The following HTT variants were observed in gnomAD, a reference collection of about 807,000 sequenced individuals.
The protein encoded by HTT is huntingtin, also known as huntington disease protein.
HTT carries 104 observed loss-of-function variants against 362.3 expected under a neutral mutation model. That is an observed-to-expected ratio of 0.29 (90% CI 0.24 to 0.34). The LOEUF (loss-of-function observed/expected upper bound fraction) is 0.34, where lower values mean the gene tolerates loss of function less well. Among genes scored for constraint, HTT ranks in the 10% least tolerant of loss-of-function variants. The pLI is 1.00. For synonymous variants in HTT, 1,577 were observed against 1,548.7 expected (o/e 1.02, Z -0.43); for missense variants, 3,301 against 3,928.6 (o/e 0.84, Z 4.27).
chr4:3,096,212 A>G (rs1713849422), intron 2 of HTT, among the ~76,000 whole-genome samples: 1 of 152,252 alleles, frequency 6.6e-6, no homozygotes, highest in Admixed American at 6.5e-5. Context: ...ACCGGACTAC[A>G]GAGCTAAAAT....
chr4:3,113,048 T>C (rs1578508613), intron 6 of HTT: 95 of 972,666 alleles, frequency 9.8e-5, no homozygotes, highest in Non-Finnish European at 1.1e-4. Context: ...GAAGTACTCT[T>C]ACAGGTATGT....
intron 2 of HTT, among the ~76,000 whole-genome samples, chr4:3,095,274 C>T (rs371918195): frequency 1.9e-4 from 29 of 152,366 alleles, no homozygotes; most frequent in African/African-American, 3.1e-4. Flanking sequence ...TCTGCAATCC[C>T]GGCACCTCGG....
chr4:3,166,860 T>G (rs116222043), intron 29 of HTT, among the ~76,000 whole-genome samples: 2,286 of 152,312 alleles, frequency 0.015, 58 homozygotes, highest in African/African-American at 0.052. Flanking sequence ...TTCCTTTGGC[T>G]TGGAAAGGGA....
chr4:3,133,389 A>T (rs947053672), intron 18 of HTT, among the ~76,000 whole-genome samples: 1 of 151,412 alleles, frequency 6.6e-6, no homozygotes, highest in Admixed American at 6.6e-5. Context: ...GCTACTCGGG[A>T]AGCTGAGGTG....
intron 8 of HTT, among the ~76,000 whole-genome samples, chr4:3,116,883 A>G (rs1715058450): frequency 1.3e-5 from 2 of 152,158 alleles, no homozygotes; most frequent in Admixed American, 6.5e-5. Flanking sequence ...ATTTTAAGCA[A>G]TTGGATTTTT....
chr4:3,124,617 A>T (rs1423057647), intron 10 of HTT, among the ~76,000 whole-genome samples: 2 of 152,178 alleles, frequency 1.3e-5, no homozygotes, highest in Admixed American at 6.5e-5. Context: ...GAAGATAGAG[A>T]TGGCTTTTGT....
At chr4:3,141,741 C>T (rs1716355611) in intron 22 of HTT, among the ~76,000 whole-genome samples, 1 of 152,142 alleles carries the variant, frequency 6.6e-6, no homozygotes, top group African/African-American at 2.4e-5. Context: ...CCAGCTTGGG[C>T]TACAGAGTGA....
chr4:3,199,335 T>A (rs1202376500), intron 40 of HTT, among the ~76,000 whole-genome samples: 3 of 150,336 alleles, frequency 2.0e-5, no homozygotes, highest in Non-Finnish European at 4.4e-5. Flanking sequence ...AGCTCAGGAG[T>A]TCAAGACCAG....
chr4:3,155,083 C>T (rs1034496252), intron 27 of HTT, among the ~76,000 whole-genome samples: 12 of 152,004 alleles, frequency 7.9e-5, no homozygotes, highest in African/African-American at 2.2e-4. Context: ...CTATCTGGGA[C>T]GCCTGGCCAC....
In HTT at chr4:3,131,392, A is replaced by G. The variant is rs749745276; in HGVS notation, c.2093A>G (p.Lys698Arg). Residue 698 changes from lysine (K) to arginine (R), a missense_variant, in exon 15 of 67, where the codon AAA (lysine) becomes AGA (arginine). Lys to Arg is a conservative substitution (Grantham distance 26). Around this residue, in one of 4 missense-constraint regions of HTT, gnomAD observed 2,316 missense variants for 2,658.5 expected, o/e 0.87. Transcript: ENST00000355072. ...GCTTCGTTTTTGCTAACAGGGGGAA[A>G]AAATGGTGAGTACAAAAGGGGATGT... is the stretch of plus-strand genomic sequence containing the variant. ...LSASFLLTGG[K>R]NVLVPDRDVR... 13 of 1,611,194 alleles carry G rather than the reference A, an allele frequency of 8.1e-6. No homozygotes were observed. The highest frequency in any genetic ancestry group is 1.1e-5 in the Non-Finnish European group (13 of 1,177,446).
Position 3,220,412 on chromosome 4 carries a change from T to C in HTT, c.7369+104T>C. ...TCTTCTCATTTGACTCCAGAAAAGA[T>C]TTAAGCATGATAATAATACAAACCT... On this transcript the variant is annotated intron_variant, in intron 53 of 66. Transcript: ENST00000355072. The C allele has an allele frequency of 2.5e-6, 3 of 1,204,064 alleles. No homozygotes were observed. In the East Asian group the frequency reaches 7.1e-5, roughly 28 times the overall value. 74.6% of individuals were successfully genotyped at this position (1,204,064 alleles called of 1,614,324 possible).
At chr4:3,234,514 C>G (rs1200044566) in intron 61 of HTT, among the ~76,000 whole-genome samples, 1 of 152,378 alleles carries the variant, frequency 6.6e-6, no homozygotes, top group East Asian at 1.9e-4. Flanking sequence ...GCCCCAGACA[C>G]AGGCCAAAGC....
At position 3,228,779 on chromosome 4, in the gene HTT, T is replaced by G. The variant is rs1721048521; in HGVS notation, c.7979+34T>G. On this transcript the variant is annotated intron_variant, in intron 58 of 66. Coordinates refer to ENST00000355072, the MANE Select transcript of HTT (RefSeq NM_001388492.1). This position sits in a 1 kb window ranked among gnomAD's most constrained non-coding sequence, Gnocchi z 4.3. Reference sequence around the variant, plus strand: ...ATGGCCTTTTTCTTTTTAACAGAAATTTGAAATTTCTTATCAGTCATTTGA... The same window carrying G: ...ATGGCCTTTTTCTTTTTAACAGAAAGTTGAAATTTCTTATCAGTCATTTGA... 6.4e-7 allele frequency: 1 copy of G among 1,564,998 alleles called. No homozygotes were observed. Among genetic ancestry groups the G allele is most frequent in the African/African-American group, 1.4e-5 (1 of 73,106 alleles).
At chr4:3,177,193 TAG>T in intron 33 of HTT, 137 bp from the exon 34 acceptor site, 1 of 670,196 alleles carries the variant, frequency 1.5e-6, no homozygotes. Context: ...GATTTCAGAA[TAG>T]AGTTATGCTT....
chr4:3,227,966 C>G (rs569239758), intron 57 of HTT, among the ~76,000 whole-genome samples: 1 of 152,188 alleles, frequency 6.6e-6, no homozygotes, highest in South Asian at 2.1e-4. Context: ...GCTGTTCATA[C>G]AGACTCCTCG....
intron 40 of HTT, among the ~76,000 whole-genome samples, chr4:3,192,000 G>T (rs529228405): frequency 2.2e-4 from 33 of 152,286 alleles, no homozygotes; most frequent in Admixed American, 2.0e-3. Flanking sequence ...ATCTAGTGTT[G>T]TAATTCTGTG....
chr4:3,229,057 C>T (rs752781685), intron 59 of HTT, 48 bp downstream of exon 59: 19 of 1,552,132 alleles, frequency 1.2e-5, no homozygotes, highest in African/African-American at 2.7e-5. Flanking sequence ...GCCACACGCA[C>T]CACACACGCC....
At chr4:3,094,269 G>T (rs903361819) in intron 2 of HTT, among the ~76,000 whole-genome samples, 1 of 152,146 alleles carries the variant, frequency 6.6e-6, no homozygotes, top group African/African-American at 2.4e-5. Context: ...CAAGGCAGAA[G>T]AATTTTTCTT....
In HTT at chr4:3,218,014, C is replaced by T; in HGVS notation, c.7242+62C>T. 2.1e-6 allele frequency: 3 copies of T among 1,423,202 alleles called. No homozygotes were observed. The highest frequency in any genetic ancestry group is 1.9e-5 in the Admixed American group (1 of 52,080). 88.2% of individuals were successfully genotyped at this position (1,423,202 alleles called of 1,614,324 possible). A position where few individuals can be genotyped will look rare whatever the true frequency, so the allele number is the denominator to read the frequency against. On this transcript the variant is annotated intron_variant, in intron 52 of 66. Coordinates refer to ENST00000355072, the MANE Select transcript of HTT (RefSeq NM_001388492.1). The surrounding 1 kb of genome is among the most constrained non-coding windows in gnomAD (Gnocchi z 4.4). ...GTGAAAGGCACCGGTAGGCCCTGGG[C>T]TGGGCACACGTGAGAGGGCGGGACA... is the stretch of plus-strand genomic sequence containing the variant.
Sources: allele counts gnomAD v4.1 joint callset (sites outside exome capture counted in the v4.1 genomes callset), GRCh38; gene constraint gnomAD v4.1.1; regional missense constraint gnomAD v4.1.1; non-coding constraint Gnocchi (gnomAD v3.1); transcripts MANE v1.5; gene names NCBI Gene and HGNC (gene_info 2026-07-23, HGNC 2026-07-21).